The following COL19A1 variants were observed in gnomAD, a reference collection of about 807,000 sequenced individuals.
COL19A1 encodes the protein collagen type XIX alpha 1 chain.
In COL19A1, 159 loss-of-function variants were observed where a neutral mutation model predicts 190.2. The ratio of observed to expected loss-of-function variants is 0.84; its 90% CI spans 0.73 to 0.95. The LOEUF (loss-of-function observed/expected upper bound fraction) is 0.95. Ranked by LOEUF, COL19A1 falls within the 40% of genes least tolerant of loss-of-function variation. The probability of loss-of-function intolerance (pLI) is 0.00; values close to 1 mark genes in which losing one functional copy is unlikely to be tolerated. For synonymous variants in COL19A1, 509 were observed against 458.9 expected (o/e 1.11, Z -1.39); for missense variants, 1,418 against 1,431.9 (o/e 0.99, Z 0.16).
intron 49 of COL19A1, among the ~76,000 whole-genome samples, chr6:70,206,634 C>A (rs1260675795): frequency 0.024 from 2,390 of 101,070 alleles, 1 homozygote; most frequent in African/African-American, 0.032. Flanking sequence ...GACTCTGTCT[C>A]AAAAAAAAAA....
intron 14 of COL19A1, among the ~76,000 whole-genome samples, chr6:70,041,312 A>AT (rs1214807685): frequency 6.6e-6 from 1 of 152,246 alleles, no homozygotes; most frequent in Non-Finnish European, 1.5e-5. Context: ...AGAAACTTAT[A>AT]ATAATTTTAA....
intron 11 of COL19A1, among the ~76,000 whole-genome samples, chr6:69,993,285 T>C (rs1776724665): frequency 6.6e-6 from 1 of 152,126 alleles, no homozygotes; most frequent in African/African-American, 2.4e-5. Context: ...GTTGAACCAA[T>C]CTTGCTTCCC....
chr6:70,074,517 A>G (rs917132560), intron 15 of COL19A1, among the ~76,000 whole-genome samples: 2 of 148,828 alleles, frequency 1.3e-5, no homozygotes, highest in Non-Finnish European at 3.0e-5. Flanking sequence ...AAAAAAAAAA[A>G]GAGAGAGAAA....
Position 70,005,492 on chromosome 6 carries a change from C to A in COL19A1, c.1027-18135C>A, listed in dbSNP as rs574632151. On this transcript the variant is annotated intron_variant, in intron 11 of 50. Coordinates refer to ENST00000620364, the MANE Select transcript of COL19A1 (RefSeq NM_001858.6). ...TTTGCTCCCACACCTGGAGATGTCA[C>A]TCAAGGAGTCTGGAGAACAACAAAG... Among the ~76,000 whole-genome samples, 4 of 152,288 alleles carry A rather than the reference C, an allele frequency of 2.6e-5. No homozygotes were observed. In the East Asian group the frequency reaches 7.7e-4, roughly 29 times the overall value.
chr6:70,134,217 C>A (rs921074163), intron 18 of COL19A1, among the ~76,000 whole-genome samples: 3 of 152,148 alleles, frequency 2.0e-5, no homozygotes, highest in South Asian at 2.1e-4. Flanking sequence ...TTTTCTCTAT[C>A]AAACCAACAA....
chr6:70,033,081 A>G (rs1779158212), intron 12 of COL19A1, among the ~76,000 whole-genome samples: 2 of 152,214 alleles, frequency 1.3e-5, no homozygotes, highest in Non-Finnish European at 2.9e-5. Flanking sequence ...TATGAGTTTT[A>G]TACGTGAAGG....
intron 49 of COL19A1, 121 bp downstream of exon 49, chr6:70,199,857 A>T: frequency 8.7e-6 from 7 of 804,668 alleles, no homozygotes; most frequent in Non-Finnish European, 1.3e-5. Context: ...TACATATATA[A>T]ATATATGCAA....
chr6:70,131,924 A>T (rs1785549103), intron 18 of COL19A1, among the ~76,000 whole-genome samples: 2 of 152,186 alleles, frequency 1.3e-5, no homozygotes, highest in African/African-American at 4.8e-5. Context: ...AATCTTTTCT[A>T]ATTGCTTCAG....
At chr6:69,909,186 T>C (rs1193141444) in intron 4 of COL19A1, among the ~76,000 whole-genome samples, 5 of 152,248 alleles carry the variant, frequency 3.3e-5, no homozygotes, top group Non-Finnish European at 7.4e-5. Flanking sequence ...CAAATGTACA[T>C]AAACTTTCTA....
intron 12 of COL19A1, among the ~76,000 whole-genome samples, chr6:70,024,197 T>A (rs1778601462): frequency 6.6e-6 from 1 of 152,162 alleles, no homozygotes; most frequent in African/African-American, 2.4e-5. Flanking sequence ...TCTTCTCCCC[T>A]TCCCCTCAGG....
At chr6:70,150,272 T>C (rs1786968970) in intron 30 of COL19A1, among the ~76,000 whole-genome samples, 1 of 152,158 alleles carries the variant, frequency 6.6e-6, no homozygotes, top group South Asian at 2.1e-4. Context: ...ACTGTACAAT[T>C]TTGCCCCAGG....
chr6:69,884,063 G>T (rs58323230), intron 2 of COL19A1, among the ~76,000 whole-genome samples: 22 of 152,002 alleles, frequency 1.4e-4, no homozygotes, highest in Non-Finnish European at 3.1e-4. Context: ...GGCCGGGCTC[G>T]GTGGCTCACA....
At chr6:70,202,385 C>A (rs555987471) in intron 49 of COL19A1, among the ~76,000 whole-genome samples, 19 of 152,200 alleles carry the variant, frequency 1.2e-4, no homozygotes, top group Non-Finnish European at 2.4e-4. Flanking sequence ...AATAATTTTT[C>A]TTATGTTTTC....
rs138682575 is a variant in COL19A1 at position 70,128,198 on chromosome 6, G to T, written c.1342-1984G>T. 2.6e-4 allele frequency among the ~76,000 whole-genome samples: 40 copies of T among 152,148 alleles called. No individual in the cohort carries two copies. In the East Asian group the frequency reaches 6.6e-3, roughly 25 times the overall value. The stretch of plus-strand genomic sequence containing the variant: ...CATCAAGTAGAAAATTAGATATATG[G>T]GTCTAAAATTCCTAAGGGAAGTATA... On this transcript the variant is annotated intron_variant, in intron 17 of 50. Coordinates refer to ENST00000620364, the MANE Select transcript of COL19A1 (RefSeq NM_001858.6).
chr6:70,102,129 G>A (rs769644378), intron 15 of COL19A1, 40 bp from the exon 16 acceptor site: 3 of 1,445,810 alleles, frequency 2.1e-6, no homozygotes, highest in African/African-American at 1.4e-5. Context: ...AAATATAATG[G>A]AGTCACAGTA....
chr6:70,166,833 G>C (rs1202576890), intron 37 of COL19A1, among the ~76,000 whole-genome samples: 1 of 149,766 alleles, frequency 6.7e-6, no homozygotes, highest in African/African-American at 2.6e-5. Context: ...CAAGAAAGCA[G>C]GACGGAAAGT....
chr6:70,206,598 G>C (rs962258765), intron 49 of COL19A1, among the ~76,000 whole-genome samples: 1 of 138,706 alleles, frequency 7.2e-6, no homozygotes, highest in Non-Finnish European at 1.5e-5. Flanking sequence ...TAGTGCCACT[G>C]CACTCCAGCC....
At chr6:69,911,193 G>T (rs1051154090) in intron 4 of COL19A1, among the ~76,000 whole-genome samples, 1 of 152,164 alleles carries the variant, frequency 6.6e-6, no homozygotes, top group Non-Finnish European at 1.5e-5. Context: ...AACCAAGGAA[G>T]AATAATTGTG....
chr6:70,162,643 C>T (rs921321753), intron 35 of COL19A1, among the ~76,000 whole-genome samples: 3 of 152,110 alleles, frequency 2.0e-5, no homozygotes, highest in Admixed American at 6.6e-5. Context: ...ATCTGGCAAC[C>T]CAGCACATGC....
Sources: allele counts gnomAD v4.1 joint callset (sites outside exome capture counted in the v4.1 genomes callset), GRCh38; gene constraint gnomAD v4.1.1; transcripts MANE v1.5; gene names NCBI Gene and HGNC (gene_info 2026-07-23, HGNC 2026-07-21).